PTPRD: variants seen among roughly 807,000 people sequenced by gnomAD.
PTPRD encodes protein tyrosine phosphatase receptor type D.
A neutral mutation model predicts 214.5 loss-of-function variants in PTPRD; 34 were observed. The ratio of observed to expected loss-of-function variants is 0.16; its 90% CI spans 0.12 to 0.21. The LOEUF is 0.21. PTPRD is among the 10% of genes least tolerant of loss of function. PTPRD has a pLI of 1.00. For synonymous variants in PTPRD, 1,128 were observed against 845.7 expected (o/e 1.33, Z -5.79); for missense variants, 2,545 against 2,398.7 (o/e 1.06, Z -1.27).
At position 9,518,626 on chromosome 9, in the gene PTPRD, C is replaced by A. The variant is rs546656459; in HGVS notation, c.-237+56106G>T. On this transcript the variant is annotated intron_variant, in intron 8 of 45. Transcript: ENST00000381196. ...ATGGAGGAATAGCAAAAACCTGGGA[C>A]CCGAAAGGGCATTAAATATTTTCCT... 2.6e-5 allele frequency among the ~76,000 whole-genome samples: 4 copies of A among 152,014 alleles called. No individual in the cohort carries two copies. In the South Asian group the frequency reaches 8.3e-4, roughly 32 times the overall value.
chr9:10,031,681 C>CACACACACACAT (rs1555495089), intron 4 of PTPRD, among the ~76,000 whole-genome samples: 63 of 133,870 alleles, frequency 4.7e-4, no homozygotes, highest in African/African-American at 1.6e-3. Context: ...CACACACACA[C>CACACACACACAT]ATATCCTATT....
intron 3 of PTPRD, among the ~76,000 whole-genome samples, chr9:10,184,476 C>T (rs2099319279): frequency 6.6e-6 from 1 of 151,998 alleles, no homozygotes; most frequent in Non-Finnish European, 1.5e-5. Context: ...ATAACCTAGA[C>T]ACTAAAACTC....
At chr9:9,456,686 T>G (rs557855548) in intron 8 of PTPRD, among the ~76,000 whole-genome samples, 2 of 152,026 alleles carry the variant, frequency 1.3e-5, no homozygotes, top group African/African-American at 4.8e-5. Flanking sequence ...ATATCTGTAT[T>G]TTTTCATTTA....
chr9:10,513,868 T>C (rs2049110387), intron 2 of PTPRD, among the ~76,000 whole-genome samples: 1 of 152,068 alleles, frequency 6.6e-6, no homozygotes, highest in African/African-American at 2.4e-5. Context: ...GCCTCCTGAC[T>C]GAAAAATGAG....
At chr9:8,776,808 A>G (rs904495078) in intron 11 of PTPRD, among the ~76,000 whole-genome samples, 1 of 147,476 alleles carries the variant, frequency 6.8e-6, no homozygotes, top group African/African-American at 2.5e-5. Context: ...TATATTATAT[A>G]TGTATAATAT....
At chr9:9,882,605 G>T (rs942465796) in intron 5 of PTPRD, among the ~76,000 whole-genome samples, 3 of 152,074 alleles carry the variant, frequency 2.0e-5, no homozygotes, top group African/African-American at 7.2e-5. Context: ...TTCAGACTCT[G>T]AGAATTATCT....
intron 8 of PTPRD, among the ~76,000 whole-genome samples, chr9:9,447,048 C>A (rs146841690): frequency 2.6e-5 from 4 of 152,078 alleles, no homozygotes; most frequent in Non-Finnish European, 5.9e-5. Flanking sequence ...GACAAAGGAA[C>A]GCTATACACT....
intron 8 of PTPRD, among the ~76,000 whole-genome samples, chr9:9,518,869 TTATAA>T (rs1296866921): frequency 1.3e-5 from 2 of 152,022 alleles, no homozygotes; most frequent in African/African-American, 2.4e-5. Flanking sequence ...TAAAAGATTT[TTATAA>T]TATATGTCCC....
chr9:8,643,672 T>A (rs1705510699), intron 12 of PTPRD, among the ~76,000 whole-genome samples: 1 of 152,218 alleles, frequency 6.6e-6, no homozygotes, highest in Non-Finnish European at 1.5e-5. Context: ...CGAGCCTAGG[T>A]GCTGTCAGCC....
intron 3 of PTPRD, among the ~76,000 whole-genome samples, chr9:10,314,148 G>T (rs2096354318): frequency 2.0e-5 from 3 of 151,920 alleles, no homozygotes; most frequent in Admixed American, 2.0e-4. Context: ...GAAAGAAACA[G>T]TCAGTTATTC....
In PTPRD at chr9:8,485,985, C is replaced by T. The variant is rs2135934435; in HGVS notation, c.2832G>A (p.Leu944=). 6 of 1,614,146 alleles carry T rather than the reference C, an allele frequency of 3.7e-6. No homozygotes were observed. The East Asian group carries it at 1.3e-4, about 36-fold the overall frequency. The change falls in exon 28 of 46, where the codon CTG becomes CTA. Residue 944 remains leucine, a synonymous_variant. Transcript: ENST00000381196. ...TGGTGATAATGCCATTTCTCTCTGC[C>T]AGGACAGGTGGTTGCCAAGATAACT... ...SVQLSWQPPV[L]AERNGIITKY... is the part of the protein sequence containing the mutation.
At chr9:8,651,411 G>T (rs1373800856) in intron 12 of PTPRD, among the ~76,000 whole-genome samples, 1 of 152,120 alleles carries the variant, frequency 6.6e-6, no homozygotes, top group Non-Finnish European at 1.5e-5. Context: ...TCCACACAGA[G>T]AACTCAAATT....
intron 2 of PTPRD, among the ~76,000 whole-genome samples, chr9:10,576,062 G>A (rs1011229682): frequency 2.0e-5 from 3 of 152,110 alleles, no homozygotes; most frequent in African/African-American, 7.2e-5. Flanking sequence ...GCCTGTTGGA[G>A]TCTAAAAAAA....
intron 9 of PTPRD, among the ~76,000 whole-genome samples, chr9:9,285,237 C>A (rs1458139448): frequency 1.3e-5 from 2 of 151,648 alleles, no homozygotes; most frequent in African/African-American, 4.8e-5. Flanking sequence ...GTCACTTTTT[C>A]TGCATTCTTA....
intron 14 of PTPRD, among the ~76,000 whole-genome samples, chr9:8,599,302 C>T (rs372788546): frequency 2.0e-5 from 3 of 152,138 alleles, no homozygotes; most frequent in South Asian, 2.1e-4. Flanking sequence ...TTATTAGCAG[C>T]GTGGGAACAG....
At chr9:10,560,293 T>C (rs1473655701) in intron 2 of PTPRD, among the ~76,000 whole-genome samples, 2 of 151,652 alleles carry the variant, frequency 1.3e-5, no homozygotes, top group East Asian at 1.9e-4. Flanking sequence ...TCATTCTCAG[T>C]AAACTATTGC....
At chr9:8,482,727 C>T (rs879765120) in intron 30 of PTPRD, among the ~76,000 whole-genome samples, 1 of 152,058 alleles carries the variant, frequency 6.6e-6, no homozygotes, top group Non-Finnish European at 1.5e-5. Context: ...CTGGGTATAC[C>T]CTTGGCTCTT....
intron 2 of PTPRD, among the ~76,000 whole-genome samples, chr9:10,549,770 G>A (rs983176805): frequency 8.6e-5 from 13 of 151,948 alleles, no homozygotes; most frequent in Non-Finnish European, 1.6e-4. Context: ...ATAATTCTTG[G>A]GAGTATTCCA....
chr9:9,457,927 T>C lies in PTPRD; in HGVS notation c.-236-60445A>G, dbSNP rs139426605. On this transcript the variant is annotated intron_variant, in intron 8 of 45. Coordinates refer to ENST00000381196, the MANE Select transcript of PTPRD (RefSeq NM_002839.4). ...CATTGGTGGTGTTTCCCGTCTAACA[T>C]TGTCATGTCTAAAAATTATTTAAAA... Among the ~76,000 whole-genome samples, 1,173 of 152,186 alleles carry C rather than the reference T, an allele frequency of 7.7e-3. 10 individuals are homozygous for C. Among genetic ancestry groups the C allele is most frequent in the African/African-American group, 0.027 (1,130 of 41,546 alleles).
Sources: gnomAD v4.1 joint callset for allele counts (sites outside exome capture counted in the v4.1 genomes callset) on GRCh38, gnomAD v4.1.1 for gene constraint, MANE v1.5 for transcripts, NCBI Gene and HGNC (gene_info 2026-07-23, HGNC 2026-07-21) for gene names.